Variants in USP33 observed in about 807,000 individuals in gnomAD.
USP33 encodes the protein ubiquitin specific peptidase 33.
A neutral mutation model predicts 124.2 loss-of-function variants in USP33; 46 were observed. The ratio of observed to expected loss-of-function variants is 0.37; its 90% CI spans 0.29 to 0.47. The LOEUF (loss-of-function observed/expected upper bound fraction) is 0.47, where lower values mean the gene tolerates loss of function less well. Ranked by LOEUF, USP33 falls within the 20% of genes least tolerant of loss-of-function variation. The pLI, the probability that USP33 is intolerant of heterozygous loss-of-function variation, is 0.99. For missense variants in USP33, 851 were observed against 1,070.6 expected (o/e 0.79, Z 2.86); for synonymous variants, 350 against 352.3 (o/e 0.99, Z 0.07).
chr1:77,715,542 G>A (rs1318374994), intron 18 of USP33, among the ~76,000 whole-genome samples, 200 bp downstream of exon 18: 1 of 152,160 alleles, frequency 6.6e-6, no homozygotes, highest in Non-Finnish European at 1.5e-5. Context: ...ATATCCCTTT[G>A]CTCTTCAAGT....
At chr1:77,752,999 A>C (rs1021798708) in intron 1 of USP33, among the ~76,000 whole-genome samples, 5 of 152,168 alleles carry the variant, frequency 3.3e-5, no homozygotes, top group African/African-American at 9.7e-5. Context: ...GAATTGCTGG[A>C]ACCCGCGAAG....
intron 1 of USP33, among the ~76,000 whole-genome samples, chr1:77,742,280 G>C (rs903528260): frequency 6.6e-6 from 1 of 151,966 alleles, no homozygotes; most frequent in Non-Finnish European, 1.5e-5. Context: ...AGGGTTTCTC[G>C]ATCCCGGCAC....
intron 5 of USP33, among the ~76,000 whole-genome samples, chr1:77,737,678 A>T (rs927932609): frequency 4.6e-5 from 7 of 152,214 alleles, no homozygotes. Flanking sequence ...CATATTTACA[A>T]GTCATCAGAA....
chr1:77,758,175 C>CTTTTTTTTTTTTTTT (rs1185358841), intron 1 of USP33, among the ~76,000 whole-genome samples: 2 of 94,284 alleles, frequency 2.1e-5, no homozygotes, highest in African/African-American at 4.5e-5. Context: ...TTGTACTGTC[C>CTTTTTTTTTTTTTTT]TTTTTTTTTT....
At chr1:77,715,628 A>G (rs1387882979) in intron 18 of USP33, 114 bp downstream of exon 18, 1 of 1,228,176 alleles carries the variant, frequency 8.1e-7, no homozygotes, top group African/African-American at 1.5e-5. Flanking sequence ...GTAATGAAAT[A>G]GGAGGAAAAC....
intron 1 of USP33, among the ~76,000 whole-genome samples, chr1:77,752,665 A>G (rs567568007): frequency 6.6e-6 from 1 of 152,374 alleles, no homozygotes; most frequent in Non-Finnish European, 1.5e-5. Flanking sequence ...AGCAGGTGTC[A>G]GAACTGCTCA....
Position 77,721,923 on chromosome 1 carries a change from A to T in USP33, c.1565T>A (p.Phe522Tyr). ...IAFFMEYVKR[F>Y]VVSCVPSWFW... ...CCAGCTAGGGACACATGAGACAACA[A>T]ACCTGAAACATCATTGATAGAAAAA... Residue 522 changes from phenylalanine (F) to tyrosine (Y), a missense_variant and splice_region_variant, in exon 14 of 24, where the codon TTT becomes TAT. Phe to Tyr is a conservative substitution (Grantham distance 22). Around this residue, in one of 4 missense-constraint regions of USP33, gnomAD observed 281 missense variants for 425.0 expected, o/e 0.66. Coordinates refer to ENST00000370794, the MANE Select transcript of USP33 (RefSeq NM_201624.3). 1 of 1,605,834 alleles carries T rather than the reference A, an allele frequency of 6.2e-7. No individual in the cohort carries two copies. Among genetic ancestry groups the T allele is most frequent in the East Asian group, 2.2e-5 (1 of 44,830 alleles).
chr1:77,746,543 C>G (rs374954510), intron 1 of USP33: 9 of 152,168 alleles, frequency 5.9e-5, no homozygotes, highest in African/African-American at 1.9e-4. Flanking sequence ...CCAGCATCAT[C>G]CTGACACCAA....
At chr1:77,758,831 T>C (rs576846872) in intron 1 of USP33, among the ~76,000 whole-genome samples, 1 of 152,304 alleles carries the variant, frequency 6.6e-6, no homozygotes, top group East Asian at 1.9e-4. Context: ...ATCGTTACGG[T>C]AAAATTCACC....
At chr1:77,735,110 G>C (rs372855717) in intron 6 of USP33, among the ~76,000 whole-genome samples, 2 of 145,194 alleles carry the variant, frequency 1.4e-5, no homozygotes, top group East Asian at 2.0e-4. Flanking sequence ...GCAACAGAGC[G>C]AGACTCCATC....
At chr1:77,699,931 C>T (rs1673814936) in intron 22 of USP33, among the ~76,000 whole-genome samples, 1 of 152,062 alleles carries the variant, frequency 6.6e-6, no homozygotes, top group Non-Finnish European at 1.5e-5. Flanking sequence ...CCTCAGCAAA[C>T]TAATGCAAGA....
chr1:77,730,056 A>G (rs1677629955), intron 8 of USP33, 118 bp from the exon 9 acceptor site: 1 of 913,452 alleles, frequency 1.1e-6, no homozygotes, highest in Non-Finnish European at 1.7e-6. Flanking sequence ...CAAAAAAATC[A>G]TTCAAAACTG....
At chr1:77,708,689 T>C (rs1674902884) in intron 21 of USP33, among the ~76,000 whole-genome samples, 2 of 152,336 alleles carry the variant, frequency 1.3e-5, no homozygotes, top group Middle Eastern at 3.4e-3. Flanking sequence ...GCTGAACAGA[T>C]GTTCCTTTCC....
At chr1:77,733,318 C>G (rs1411655982) in intron 7 of USP33, among the ~76,000 whole-genome samples, 1 of 151,576 alleles carries the variant, frequency 6.6e-6, no homozygotes, top group Non-Finnish European at 1.5e-5. Context: ...CACACAAACC[C>G]GGGAGGCAGA....
At chr1:77,728,012 AAG>A (rs1378761128) in intron 10 of USP33, among the ~76,000 whole-genome samples, 1 of 152,242 alleles carries the variant, frequency 6.6e-6, no homozygotes, top group Admixed American at 6.5e-5. Flanking sequence ...CTTAAAATAA[AAG>A]AGAAAATTCT....
At chr1:77,748,794 T>G (rs1408375047) in intron 1 of USP33, among the ~76,000 whole-genome samples, 4 of 19,122 alleles carry the variant, frequency 2.1e-4, no homozygotes, top group Non-Finnish European at 4.0e-4. Context: ...CCCCCCCCCG[T>G]GCTTGAATCA....
At chr1:77,732,275 T>G (rs994805305) in intron 7 of USP33, among the ~76,000 whole-genome samples, 7 of 152,098 alleles carry the variant, frequency 4.6e-5, no homozygotes, top group Admixed American at 4.6e-4. Context: ...TTGAATCTCC[T>G]CTCCCTTTCT....
At chr1:77,738,134 C>T (rs1678692859) in intron 5 of USP33, among the ~76,000 whole-genome samples, 1 of 152,178 alleles carries the variant, frequency 6.6e-6, no homozygotes, top group Non-Finnish European at 1.5e-5. Flanking sequence ...TATTCTTTGA[C>T]TAAAATCTAG....
At chr1:77,701,583 CAGG>C (rs1366010492) in intron 21 of USP33, 112 bp from the exon 22 acceptor site, 13 of 806,656 alleles carry the variant, frequency 1.6e-5, no homozygotes, top group African/African-American at 1.6e-4. Flanking sequence ...GAGGCTGAGG[CAGG>C]AGGAGTCCTT....
Sources: gnomAD v4.1 joint callset for allele counts (sites outside exome capture counted in the v4.1 genomes callset) on GRCh38, gnomAD v4.1.1 for gene constraint, gnomAD v4.1.1 regional missense constraint, MANE v1.5 for transcripts, NCBI Gene and HGNC (gene_info 2026-07-23, HGNC 2026-07-21) for gene names.